Variants in DGAT2L6 observed in about 807,000 individuals in gnomAD.
DGAT2L6 encodes the protein diacylglycerol O-acyltransferase 2-like protein 6.
In DGAT2L6, 22 loss-of-function variants were observed where a neutral mutation model predicts 25.5. The observed-to-expected ratio is 0.86, with a 90% CI of 0.62 to 1.23. DGAT2L6 has a LOEUF of 1.23. Ranked by LOEUF, DGAT2L6 falls within the 50% of genes most tolerant of loss-of-function variation. The probability of loss-of-function intolerance (pLI) is 0.00; values close to 1 mark genes in which losing one functional copy is unlikely to be tolerated. For synonymous variants in DGAT2L6, 100 were observed against 94.7 expected, an observed-to-expected ratio of 1.06 and a Z score of -0.32; for missense variants, 287 against 253.2, an observed-to-expected ratio of 1.13 and a Z score of -0.91.
chrX:70,179,099 CAT>C (rs1265390739), intron 1 of DGAT2L6, among the ~76,000 whole-genome samples: 1 of 111,728 alleles, frequency 9.0e-6, no homozygotes, highest in Admixed American at 9.5e-5. Flanking sequence ...TGCATTTAAA[CAT>C]ATTATTCAGA....
chrX:70,179,837 G>T (rs150109284), intron 1 of DGAT2L6, among the ~76,000 whole-genome samples: 44 of 110,509 alleles, frequency 4.0e-4, no homozygotes, highest in Middle Eastern at 4.6e-3. Context: ...CAAAGTGCTG[G>T]CTGGGATTAC....
chrX:70,182,808 G>A (rs1188502466), intron 1 of DGAT2L6, among the ~76,000 whole-genome samples: 57 of 111,567 alleles, frequency 5.1e-4, no homozygotes, highest in African/African-American at 1.6e-3. Flanking sequence ...TGCCCGCCAC[G>A]ATGCCCGGCT....
At chrX:70,196,514 G>GAAAAAAAAAAAAAAAAAAAAAAAAA (rs1190627830) in intron 1 of DGAT2L6, among the ~76,000 whole-genome samples, 1 of 72,402 alleles carries the variant, frequency 1.4e-5, no homozygotes, top group Non-Finnish European at 3.0e-5. Context: ...AAAGAAAAAA[G>GAAAAAAAAAAAAAAAAAAAAAAAAA]AAAAAAAAAG....
At chrX:70,189,376 C>T (rs2085369032) in intron 1 of DGAT2L6, among the ~76,000 whole-genome samples, 1 of 110,792 alleles carries the variant, frequency 9.0e-6, no homozygotes, top group African/African-American at 3.3e-5. Flanking sequence ...AAAAAAATAC[C>T]ATTTAAATAC....
Position 70,204,319 on chromosome X carries a change from C to T in DGAT2L6, c.662C>T (p.Pro221Leu). ...TCTCTTTGCAGGGCATACCTTGTCC[C>T]TTCATATTCCTTTGGTGAGAACGAA... ...MALQTGAYLVPSYSFGENEVF... is the reference protein window; with the variant it reads ...MALQTGAYLVLSYSFGENEVF... Residue 221 changes from proline to leucine, a missense_variant, in exon 6 of 7, where the codon CCT becomes CTT. By Grantham distance (98) the Pro-to-Leu change is moderately conservative. Coordinates refer to ENST00000333026, the MANE Select transcript of DGAT2L6 (RefSeq NM_198512.3). 8.3e-7 allele frequency: 1 copy of T among 1,206,596 alleles called. No homozygotes were observed. The highest frequency in any genetic ancestry group is 2.3e-4 in the Middle Eastern group (1 of 4,318).
At chrX:70,192,691 G>T (rs1183877992) in intron 1 of DGAT2L6, among the ~76,000 whole-genome samples, 6 of 109,766 alleles carry the variant, frequency 5.5e-5, no homozygotes, top group Admixed American at 9.7e-5. Flanking sequence ...CCTACATAAA[G>T]AAAAAAGGAA....
chrX:70,187,530 T>C (rs919468682), intron 1 of DGAT2L6, among the ~76,000 whole-genome samples: 4 of 112,037 alleles, frequency 3.6e-5, no homozygotes, highest in African/African-American at 1.3e-4. Context: ...TAAATTACCA[T>C]ATACTCCCAC....
At chrX:70,201,764 A>C (rs1725824422) in intron 4 of DGAT2L6, 126 bp from the exon 5 acceptor site, 2 of 784,282 alleles carry the variant, frequency 2.6e-6, no homozygotes, top group Non-Finnish European at 3.5e-6. Context: ...GGTCAGAGAC[A>C]GAAAGGTGGA....
chrX:70,202,275 ACAG>A (rs1256867068), intron 5 of DGAT2L6, among the ~76,000 whole-genome samples: 2 of 112,230 alleles, frequency 1.8e-5, no homozygotes, highest in Non-Finnish European at 3.8e-5. Flanking sequence ...TGGAGAAAGA[ACAG>A]CAGAAGAAAA....
At chrX:70,204,616 A>G in intron 6 of DGAT2L6, 100 bp downstream of exon 6, 2 of 954,485 alleles carry the variant, frequency 2.1e-6, no homozygotes, top group Non-Finnish European at 2.9e-6. Flanking sequence ...CACATCTGGG[A>G]TGGGCAATGG....
intron 1 of DGAT2L6, among the ~76,000 whole-genome samples, chrX:70,190,157 C>A (rs901979047): frequency 8.0e-5 from 9 of 111,907 alleles, no homozygotes; most frequent in African/African-American, 2.9e-4. Context: ...TGATTTTTGA[C>A]AAAGATGAAA....
At chrX:70,181,815 A>G (rs886812576) in intron 1 of DGAT2L6, among the ~76,000 whole-genome samples, 3 of 111,817 alleles carry the variant, frequency 2.7e-5, no homozygotes, top group African/African-American at 9.8e-5. Flanking sequence ...GGGAGACAGG[A>G]AAGGGAATCA....
chrX:70,199,418 C>T lies in DGAT2L6; in HGVS notation c.196+37C>T, dbSNP rs746894508. On this transcript the variant is annotated intron_variant, in intron 2 of 6. Coordinates refer to ENST00000333026, the MANE Select transcript of DGAT2L6 (RefSeq NM_198512.3). ...GGGCACAATGGTGGTCCTGTTTGGG[C>T]CAAGAATGGAAGGACAGGGAGAGGG... 6.7e-6 allele frequency: 7 copies of T among 1,043,657 alleles called. No homozygotes were observed. In the South Asian group the frequency reaches 1.5e-4, roughly 22 times the overall value. The allele number at this position is 1,043,657 out of a possible 1,213,427, so 86.0% of individuals were successfully genotyped here. A position where few individuals can be genotyped will look rare whatever the true frequency, so the allele number is the denominator to read the frequency against.
intron 1 of DGAT2L6, among the ~76,000 whole-genome samples, chrX:70,193,597 G>C (rs1169445187): frequency 8.9e-6 from 1 of 111,998 alleles, no homozygotes; most frequent in Non-Finnish European, 1.9e-5. Flanking sequence ...GGTTCAACAT[G>C]CATATGTCAA....
intron 1 of DGAT2L6, among the ~76,000 whole-genome samples, chrX:70,196,516 A>AAAAAGAG (rs1205082229): frequency 7.9e-5 from 8 of 101,040 alleles, no homozygotes; most frequent in East Asian, 2.9e-4. Flanking sequence ...AGAAAAAAGA[A>AAAAAGAG]AAAAAAAGAA....
At chrX:70,183,112 C>T (rs751329239) in intron 1 of DGAT2L6, among the ~76,000 whole-genome samples, 1 of 112,685 alleles carries the variant, frequency 8.9e-6, no homozygotes, top group Admixed American at 9.3e-5. Context: ...TTACATCCCT[C>T]TCCTGCTCAA....
At chrX:70,182,637 A>G (rs1313062279) in intron 1 of DGAT2L6, among the ~76,000 whole-genome samples, 2 of 103,158 alleles carry the variant, frequency 1.9e-5, no homozygotes, top group African/African-American at 3.6e-5. Context: ...GTGCCACCAC[A>G]CCCAGCTAAT....
intron 1 of DGAT2L6, among the ~76,000 whole-genome samples, chrX:70,182,500 G>T (rs111257840): frequency 0.17 from 6,607 of 38,879 alleles, 478 homozygotes; most frequent in Middle Eastern, 0.26. Flanking sequence ...TTTTTTTTGA[G>T]ACGGAGTCTT....
chrX:70,204,043 G>A (rs1217516458), intron 5 of DGAT2L6, among the ~76,000 whole-genome samples: 3 of 111,471 alleles, frequency 2.7e-5, no homozygotes, highest in South Asian at 7.6e-4. Context: ...AGTTTACGAA[G>A]AACACTCTGC....
Sources: allele counts gnomAD v4.1 joint callset (sites outside exome capture counted in the v4.1 genomes callset), GRCh38; gene constraint gnomAD v4.1.1; transcripts MANE v1.5; gene names NCBI Gene and HGNC (gene_info 2026-07-23, HGNC 2026-07-21).